Variants in PDZRN3 observed in about 807,000 individuals in gnomAD.
PDZRN3 encodes the protein PDZ domain containing ring finger 3, also known as E3 ubiquitin-protein ligase PDZRN3.
In PDZRN3, 38 loss-of-function variants were observed where a neutral mutation model predicts 85.7. That is an observed-to-expected ratio of 0.44 (90% confidence interval 0.34 to 0.58). PDZRN3 has a LOEUF of 0.58. PDZRN3 is among the 20% of genes least tolerant of loss of function. PDZRN3 has a pLI of 0.01. For missense variants in PDZRN3, 1,629 were observed against 1,506.4 expected (o/e 1.08, Z -1.35); for synonymous variants, 759 against 638.0 (o/e 1.19, Z -2.86).
chr3:73,396,198 C>T (rs1701632112), intron 5 of PDZRN3, among the ~76,000 whole-genome samples: 1 of 151,762 alleles, frequency 6.6e-6, no homozygotes, highest in Non-Finnish European at 1.5e-5. Context: ...GCCTGGACGA[C>T]AGCAAGACGC....
intron 3 of PDZRN3, chr3:73,556,694 G>C (rs1189986029): frequency 1.3e-5 from 2 of 152,212 alleles, no homozygotes; most frequent in Non-Finnish European, 2.9e-5. Context: ...GGAATCAAAG[G>C]CAGACCTGAA....
chr3:73,446,471 T>C (rs1702750349), intron 3 of PDZRN3, among the ~76,000 whole-genome samples: 1 of 152,238 alleles, frequency 6.6e-6, no homozygotes, highest in African/African-American at 2.4e-5. Flanking sequence ...AAATACATAT[T>C]TGTCTTATAA....
chr3:73,506,910 C>CA (rs1429251007), intron 3 of PDZRN3, among the ~76,000 whole-genome samples: 1 of 136,766 alleles, frequency 7.3e-6, no homozygotes, highest in African/African-American at 2.7e-5. Context: ...AAAAAAAAAA[C>CA]AAAAAAACAA....
chr3:73,495,545 T>C (rs1448703765), intron 3 of PDZRN3, among the ~76,000 whole-genome samples: 5 of 152,220 alleles, frequency 3.3e-5, no homozygotes, highest in East Asian at 3.8e-4. Context: ...CATATATTTG[T>C]CTTATTATTT....
intron 5 of PDZRN3, among the ~76,000 whole-genome samples, chr3:73,398,127 G>C (rs980847915): frequency 3.9e-5 from 6 of 152,184 alleles, no homozygotes; most frequent in African/African-American, 1.4e-4. Context: ...TACCAGACTA[G>C]TTTTCTAAAC....
chr3:73,398,078 A>G (rs975308156), intron 5 of PDZRN3, among the ~76,000 whole-genome samples: 1 of 152,146 alleles, frequency 6.6e-6, no homozygotes, highest in Non-Finnish European at 1.5e-5. Flanking sequence ...ACACGAATAT[A>G]AAGTCTGATG....
intron 3 of PDZRN3, among the ~76,000 whole-genome samples, chr3:73,494,439 T>G (rs2106668290): frequency 6.6e-6 from 1 of 152,340 alleles, no homozygotes; most frequent in East Asian, 1.9e-4. Context: ...TACATAAAGC[T>G]ACTCCTGAAA....
chr3:73,517,563 C>T (rs1704278367), intron 3 of PDZRN3, among the ~76,000 whole-genome samples: 2 of 152,144 alleles, frequency 1.3e-5, no homozygotes, highest in East Asian at 1.9e-4. Context: ...ATGAAATGTA[C>T]ACAAGAGAAT....
chr3:73,397,423 G>A (rs1404665308), intron 5 of PDZRN3, among the ~76,000 whole-genome samples: 2 of 152,278 alleles, frequency 1.3e-5, no homozygotes, highest in South Asian at 2.1e-4. Flanking sequence ...AAACAGGATG[G>A]AATCTAGAAG....
At chr3:73,518,738 C>T (rs910605556) in intron 3 of PDZRN3, among the ~76,000 whole-genome samples, 37 of 152,044 alleles carry the variant, frequency 2.4e-4, no homozygotes, top group African/African-American at 8.5e-4. Flanking sequence ...TGTTGCCTTC[C>T]GTCTTCACAT....
At chr3:73,472,344 C>CT (rs1703361023) in intron 3 of PDZRN3, among the ~76,000 whole-genome samples, 1 of 152,192 alleles carries the variant, frequency 6.6e-6, no homozygotes, top group African/African-American at 2.4e-5. Flanking sequence ...TTAAATAGGC[C>CT]TTTGGGATCT....
At chr3:73,417,040 G>T (rs112670377) in intron 3 of PDZRN3, among the ~76,000 whole-genome samples, 1 of 151,536 alleles carries the variant, frequency 6.6e-6, no homozygotes, top group African/African-American at 2.4e-5. Flanking sequence ...ATCAGGCCCA[G>T]CTAATTTTTT....
rs34405662 is a variant in PDZRN3, at chr3:73,600,337, A to ACACTCTCTCTCT, written c.918+2016_918+2017insAGAGAGAGAGTG. Among the ~76,000 whole-genome samples, 882 of 100,076 alleles carry ACACTCTCTCTCT rather than the reference A, an allele frequency of 8.8e-3. 4 individuals carry two copies. Among genetic ancestry groups the ACACTCTCTCTCT allele is most frequent in the East Asian group, 0.011 (37 of 3,278 alleles). The allele number at this position is 100,076 out of a possible 152,430, so 65.7% of individuals were successfully genotyped here. ...CACACACACACACACACACACACAC[A>ACACTCTCTCTCT]CTCTCTCTCTCTCTCTCTCTCTCTC... is the stretch of plus-strand genomic sequence containing the variant. On this transcript the variant is annotated intron_variant, in intron 3 of 9. Coordinates refer to ENST00000263666, the MANE Select transcript of PDZRN3 (RefSeq NM_015009.3).
At chr3:73,451,650 A>C (rs116668755) in intron 3 of PDZRN3, among the ~76,000 whole-genome samples, 2 of 152,278 alleles carry the variant, frequency 1.3e-5, no homozygotes, top group African/African-American at 2.4e-5. Flanking sequence ...TACCTGGCTA[A>C]ATGCTATTTG....
intron 3 of PDZRN3, among the ~76,000 whole-genome samples, chr3:73,591,991 T>C (rs1702363389): frequency 1.3e-5 from 2 of 152,178 alleles, no homozygotes; most frequent in Admixed American, 1.3e-4. Flanking sequence ...CAAGTGAACA[T>C]ATGTCTACTA....
Position 73,501,628 on chromosome 3 carries a change from A to G in PDZRN3, c.919-97233T>C, listed in dbSNP as rs150067970. Among the ~76,000 whole-genome samples, 1,484 of 152,328 alleles carry G rather than the reference A, an allele frequency of 9.7e-3. 15 individuals carry two copies. The highest frequency in any genetic ancestry group is 0.075 in the Middle Eastern group (22 of 294). ...GAAGTGGATGCAACGCGAGGCTCTC[A>G]GGGTGTCAAAGGAAAACCTCGTTAA... On this transcript the variant is annotated intron_variant, in intron 3 of 9. Coordinates refer to ENST00000263666, the MANE Select transcript of PDZRN3 (RefSeq NM_015009.3).
intron 3 of PDZRN3, among the ~76,000 whole-genome samples, chr3:73,522,667 C>G (rs1345947416): frequency 6.6e-6 from 1 of 152,176 alleles, no homozygotes; most frequent in Non-Finnish European, 1.5e-5. Context: ...GAATATTTCA[C>G]TTTACAGAAG....
chr3:73,451,853 AC>A (rs1420189948), intron 3 of PDZRN3, among the ~76,000 whole-genome samples: 2 of 151,276 alleles, frequency 1.3e-5, no homozygotes, highest in African/African-American at 4.9e-5. Context: ...TTCTCATCAC[AC>A]ACACACACAC....
intron 3 of PDZRN3, among the ~76,000 whole-genome samples, chr3:73,473,581 A>T (rs1703390622): frequency 6.6e-6 from 1 of 152,230 alleles, no homozygotes; most frequent in Non-Finnish European, 1.5e-5. Context: ...GGGAGAATTT[A>T]ATCATGAATC....
Sources: gnomAD v4.1 joint callset for allele counts (sites outside exome capture counted in the v4.1 genomes callset) on GRCh38, gnomAD v4.1.1 for gene constraint, MANE v1.5 for transcripts, NCBI Gene and HGNC (gene_info 2026-07-23, HGNC 2026-07-21) for gene names.